FOXK1: variants seen among roughly 807,000 people sequenced by gnomAD.
FOXK1 encodes the protein forkhead box protein K1.
Under a neutral mutation model 51.9 loss-of-function variants are expected in FOXK1, and 19 were observed. The ratio of observed to expected loss-of-function variants is 0.37; its 90% CI spans 0.26 to 0.54. The LOEUF (loss-of-function observed/expected upper bound fraction) is 0.54, where lower values mean the gene tolerates loss of function less well. Ranked by LOEUF, FOXK1 falls within the 20% of genes least tolerant of loss-of-function variation. The pLI, the probability that FOXK1 is intolerant of heterozygous loss-of-function variation, is 0.87. For synonymous variants in FOXK1, 537 were observed against 482.6 expected, an observed-to-expected ratio of 1.11 and a Z score of -1.48; for missense variants, 870 against 1,032.7, an observed-to-expected ratio of 0.84 and a Z score of 2.16.
intron 1 of FOXK1, among the ~76,000 whole-genome samples, chr7:4,720,824 T>G (rs1368080201): frequency 6.6e-6 from 1 of 151,792 alleles, no homozygotes; most frequent in Non-Finnish European, 1.5e-5. Context: ...GTTCAAGCGA[T>G]TCTCCTGCCT....
At chr7:4,721,404 T>G (rs1021679421) in intron 1 of FOXK1, among the ~76,000 whole-genome samples, 1 of 152,078 alleles carries the variant, frequency 6.6e-6, no homozygotes. Context: ...CCAGCCTGTT[T>G]CCTGCAGGTG....
intron 2 of FOXK1, among the ~76,000 whole-genome samples, chr7:4,751,726 TCA>T (rs1780781657): frequency 6.6e-6 from 1 of 152,230 alleles, no homozygotes; most frequent in East Asian, 1.9e-4. Context: ...ATGTGGTCCC[TCA>T]GCCCAGGTGG....
chr7:4,746,270 G>T (rs562604919), intron 2 of FOXK1, among the ~76,000 whole-genome samples: 1 of 152,322 alleles, frequency 6.6e-6, no homozygotes, highest in East Asian at 1.9e-4. Flanking sequence ...ATAACATTCA[G>T]TCCTAACTTG....
At chr7:4,713,359 T>C (rs60814186) in intron 1 of FOXK1, among the ~76,000 whole-genome samples, 4,279 of 152,286 alleles carry the variant, frequency 0.028, 190 homozygotes, top group African/African-American at 0.098. Flanking sequence ...TCCCGCTCAC[T>C]GGGCTTGGTG....
chr7:4,698,710 G>A (rs915562009), intron 1 of FOXK1, among the ~76,000 whole-genome samples: 19 of 152,104 alleles, frequency 1.2e-4, no homozygotes, highest in Admixed American at 3.3e-4. Flanking sequence ...GTGCCACCAC[G>A]CCCTGCTAAT....
At chr7:4,754,377 C>G (rs1472856950) in intron 2 of FOXK1, 82 bp from the exon 3 acceptor site, 13 of 1,501,496 alleles carry the variant, frequency 8.7e-6, no homozygotes, top group Non-Finnish European at 1.2e-5. Context: ...GCCCCACCCT[C>G]TGGGTAGGTC....
At position 4,753,486 on chromosome 7, in the gene FOXK1, G is replaced by A. The variant is rs996198586; in HGVS notation, c.747-973G>A. Among the ~76,000 whole-genome samples, 2 of 152,040 alleles carry A rather than the reference G, an allele frequency of 1.3e-5. No homozygotes were observed. Among genetic ancestry groups the A allele is most frequent in the African/African-American group, 2.4e-5 (1 of 41,380 alleles). On this transcript the variant is annotated intron_variant, in intron 2 of 8. Transcript: ENST00000328914. This position sits in a 1 kb window ranked among gnomAD's most constrained non-coding sequence, Gnocchi z 4.9. Reference sequence around the variant, plus strand: ...CAGCAGGGAGCATCCTACCCGCCACGGGGGCTCTAAGTCAGCTGAGAGGGG... The same window carrying A: ...CAGCAGGGAGCATCCTACCCGCCACAGGGGCTCTAAGTCAGCTGAGAGGGG...
At chr7:4,705,544 T>TCTCTCC (rs1562372635) in intron 1 of FOXK1, among the ~76,000 whole-genome samples, 1 of 148,980 alleles carries the variant, frequency 6.7e-6, no homozygotes, top group Admixed American at 6.7e-5. Context: ...TCTCTCTCTC[T>TCTCTCC]CTCTCTCTCT....
chr7:4,689,134 C>A (rs1008796293), intron 1 of FOXK1, among the ~76,000 whole-genome samples: 2 of 152,046 alleles, frequency 1.3e-5, no homozygotes, highest in African/African-American at 4.8e-5. Context: ...TCCACCACCA[C>A]GCCTGGCTAA....
In FOXK1 at chr7:4,709,895, G is replaced by A. The variant is rs550135411; in HGVS notation, c.560+27027G>A. Among the ~76,000 whole-genome samples, 14 of 152,310 alleles carry A rather than the reference G, an allele frequency of 9.2e-5. No homozygotes were observed. Among genetic ancestry groups the A allele is most frequent in the South Asian group, 2.1e-4 (1 of 4,828 alleles). ...ATCGAATGAGTTCACTTAGAACAAC[G>A]CGTGACACGTTTGAACACGGAAGAA... On this transcript the variant is annotated intron_variant, in intron 1 of 8. Transcript: ENST00000328914. This position sits in a 1 kb window ranked among gnomAD's most constrained non-coding sequence, Gnocchi z 5.6.
In FOXK1 at chr7:4,743,822, C is replaced by G. The variant is rs368882609; in HGVS notation, c.746+2799C>G. 1.3e-5 allele frequency among the ~76,000 whole-genome samples: 2 copies of G among 152,062 alleles called. No homozygotes were observed. Among genetic ancestry groups the G allele is most frequent in the South Asian group, 4.1e-4 (2 of 4,822 alleles). On this transcript the variant is annotated intron_variant, in intron 2 of 8. Coordinates refer to ENST00000328914, the MANE Select transcript of FOXK1 (RefSeq NM_001037165.2). The surrounding 1 kb of genome is among the most constrained non-coding windows in gnomAD (Gnocchi z 5.3). ...TGAGGAAGGGCTAGGCCAGCGCCCC[C>G]GCCTTAGCCTGGGAGTGGGTTATTA...
Position 4,723,062 on chromosome 7 carries a change from G to A in FOXK1, c.561-17776G>A, listed in dbSNP as rs945685844. On this transcript the variant is annotated intron_variant, in intron 1 of 8. Coordinates refer to ENST00000328914, the MANE Select transcript of FOXK1 (RefSeq NM_001037165.2). This position sits in a 1 kb window ranked among gnomAD's most constrained non-coding sequence, Gnocchi z 4.7. ...ACAACCTGTATCAGCTTGTGATCCCGAACAAAAACCCGTCTTCCCAAGCCT... is the reference window on the plus strand; with the variant it reads ...ACAACCTGTATCAGCTTGTGATCCCAAACAAAAACCCGTCTTCCCAAGCCT... Among the ~76,000 whole-genome samples, 12 of 151,932 alleles carry A rather than the reference G, an allele frequency of 7.9e-5. No homozygotes were observed. Among genetic ancestry groups the A allele is most frequent in the Admixed American group, 2.6e-4 (4 of 15,240 alleles).
Position 4,729,577 on chromosome 7 carries a change from AG to A in FOXK1, c.561-11258del, listed in dbSNP as rs1364469555. ...CAGGACACACACCTGAGCCCCAGGG[AG>A]GGTCGGTGGCCATGGCTGTGCTTGG... On this transcript the variant is annotated intron_variant, in intron 1 of 8. Coordinates refer to ENST00000328914, the MANE Select transcript of FOXK1 (RefSeq NM_001037165.2). This position sits in a 1 kb window ranked among gnomAD's most constrained non-coding sequence, Gnocchi z 6.2. 2.0e-5 allele frequency among the ~76,000 whole-genome samples: 3 copies of A among 152,100 alleles called. No individual in the cohort carries two copies. Among genetic ancestry groups the A allele is most frequent in the African/African-American group, 7.2e-5 (3 of 41,424 alleles).
At chr7:4,719,144 G>GT (rs1780276590) in intron 1 of FOXK1, among the ~76,000 whole-genome samples, 1 of 148,198 alleles carries the variant, frequency 6.7e-6, no homozygotes, top group Non-Finnish European at 1.5e-5. Flanking sequence ...TGTTTTGTTT[G>GT]TTTGTTTTTG....
chr7:4,692,880 C>A (rs1434573101), intron 1 of FOXK1, among the ~76,000 whole-genome samples: 5 of 152,202 alleles, frequency 3.3e-5, no homozygotes, highest in Admixed American at 3.3e-4. Flanking sequence ...GTGAGCACCA[C>A]CAGACCAGCT....
rs1481892329 is a variant in FOXK1 at position 4,755,184 on chromosome 7, G to A, written c.904-53G>A. On this transcript the variant is annotated intron_variant, in intron 3 of 8. Coordinates refer to ENST00000328914, the MANE Select transcript of FOXK1 (RefSeq NM_001037165.2). The surrounding 1 kb of genome is among the most constrained non-coding windows in gnomAD (Gnocchi z 6.6). ...CCATCAGCTGTGACGGGTGGGTGGG[G>A]TAGACTCAGGGACCTTGCTGGAGCT... is the stretch of plus-strand genomic sequence containing the variant. 2.4e-5 allele frequency: 39 copies of A among 1,594,722 alleles called. No homozygotes were observed. The East Asian group carries it at 7.9e-4, about 32-fold the overall frequency.
Position 4,748,465 on chromosome 7 carries a change from C to T in FOXK1, c.747-5994C>T, listed in dbSNP as rs1344763773. ...CTTCCTTGTACTTTTGGCTTATTTC[C>T]GCCACACTCCCCCCGCTCTTGGGGT... On this transcript the variant is annotated intron_variant, in intron 2 of 8. Coordinates refer to ENST00000328914, the MANE Select transcript of FOXK1 (RefSeq NM_001037165.2). This position sits in a 1 kb window ranked among gnomAD's most constrained non-coding sequence, Gnocchi z 4.9. Among the ~76,000 whole-genome samples the T allele has an allele frequency of 2.6e-5, 4 of 152,090 alleles. No individual in the cohort carries two copies. The highest frequency in any genetic ancestry group is 2.1e-4 in the South Asian group (1 of 4,826).
At chr7:4,732,797 T>C (rs548147192) in intron 1 of FOXK1, among the ~76,000 whole-genome samples, 2 of 152,338 alleles carry the variant, frequency 1.3e-5, no homozygotes, top group South Asian at 4.1e-4. Context: ...AGGGTCTGGC[T>C]CTACTGCTGC....
intron 1 of FOXK1, among the ~76,000 whole-genome samples, chr7:4,688,389 C>A (rs528035731): frequency 6.7e-6 from 1 of 149,880 alleles, no homozygotes; most frequent in South Asian, 2.1e-4. Flanking sequence ...TTTTTCTTTT[C>A]TTTTCTTTTT....
Sources: allele counts gnomAD v4.1 joint callset (sites outside exome capture counted in the v4.1 genomes callset), GRCh38; gene constraint gnomAD v4.1.1; non-coding constraint Gnocchi (gnomAD v3.1); transcripts MANE v1.5; gene names NCBI Gene and HGNC (gene_info 2026-07-23, HGNC 2026-07-21).